DNAJB6: variants seen among roughly 807,000 people sequenced by gnomAD.
DNAJB6 encodes the protein dnaJ homolog subfamily B member 6.
Under a neutral mutation model 42.7 loss-of-function variants are expected in DNAJB6, and 16 were observed. That is an observed-to-expected ratio of 0.37 (90% CI 0.25 to 0.57). The LOEUF (loss-of-function observed/expected upper bound fraction) is 0.57. Ranked by LOEUF, DNAJB6 falls within the 20% of genes least tolerant of loss-of-function variation. The probability of loss-of-function intolerance (pLI) is 0.74; values close to 1 mark genes in which losing one functional copy is unlikely to be tolerated. For missense variants in DNAJB6, 347 were observed against 416.8 expected, an observed-to-expected ratio of 0.83 and a Z score of 1.46; for synonymous variants, 170 against 163.5, an observed-to-expected ratio of 1.04 and a Z score of -0.30.
At chr7:157,383,415 C>A (rs1282909778) in intron 6 of DNAJB6, among the ~76,000 whole-genome samples, 1 of 152,124 alleles carries the variant, frequency 6.6e-6, no homozygotes, top group Admixed American at 6.6e-5. Flanking sequence ...ATTTTATTTT[C>A]TTTGAACATT....
Position 157,409,731 on chromosome 7 carries a change from G to A in DNAJB6, c.692-64G>A. 2 of 1,459,378 alleles carry A rather than the reference G, an allele frequency of 1.4e-6. 1 individual carries two copies. Among genetic ancestry groups the A allele is most frequent in the South Asian group, 2.7e-5 (2 of 73,536 alleles). The allele number at this position is 1,459,378 out of a possible 1,614,324, so 90.4% of individuals were successfully genotyped here. On this transcript the variant is annotated intron_variant, in intron 8 of 9. Coordinates refer to ENST00000262177, the MANE Select transcript of DNAJB6 (RefSeq NM_058246.4). ...TCGTGCGGCCAGCTTCCCTCCCTCT[G>A]CTCTGGATGGGGGCCGGCCGCCGCC...
rs1283251916 is a variant in DNAJB6 at position 157,387,505 on chromosome 7, C to G, written c.691+1894C>G. Among the ~76,000 whole-genome samples the G allele has an allele frequency of 2.0e-5, 3 of 152,138 alleles. No homozygotes were observed. In the South Asian group the frequency reaches 6.2e-4, roughly 31 times the overall value. On this transcript the variant is annotated intron_variant, in intron 8 of 9. Coordinates refer to ENST00000262177, the MANE Select transcript of DNAJB6 (RefSeq NM_058246.4). ...ATTCAAGTAGATACTTGGACTAAGG[C>G]GTTTTATATTTTTCATTAGTGGGTG...
At chr7:157,383,051 C>T (rs1800867323) in intron 6 of DNAJB6, among the ~76,000 whole-genome samples, 1 of 152,036 alleles carries the variant, frequency 6.6e-6, no homozygotes, top group South Asian at 2.1e-4. Flanking sequence ...GTGAGTGCCA[C>T]TCTTAGTGTA....
At chr7:157,337,303 C>G (rs893036775) in intron 1 of DNAJB6, among the ~76,000 whole-genome samples, 159 bp downstream of exon 1, 5 of 137,956 alleles carry the variant, frequency 3.6e-5, no homozygotes, top group Non-Finnish European at 7.9e-5. Context: ...GCCGGGGTTG[C>G]GGGGCGAAGG....
chr7:157,398,708 T>TC (rs1282573634), intron 8 of DNAJB6, among the ~76,000 whole-genome samples: 1 of 152,144 alleles, frequency 6.6e-6, no homozygotes, highest in Non-Finnish European at 1.5e-5. Context: ...TATATTTAGT[T>TC]CCCCCAATAA....
chr7:157,361,815 C>T (rs918822197), intron 2 of DNAJB6, among the ~76,000 whole-genome samples: 1 of 152,218 alleles, frequency 6.6e-6, no homozygotes, highest in African/African-American at 2.4e-5. Context: ...GTCACCTAGC[C>T]TGGAGTTCAG....
chr7:157,355,960 T>C (rs1031865267), intron 1 of DNAJB6, among the ~76,000 whole-genome samples: 2 of 152,240 alleles, frequency 1.3e-5, no homozygotes, highest in African/African-American at 4.8e-5. Context: ...GCTCACTGCC[T>C]CGGGAGGTGT....
intron 6 of DNAJB6, among the ~76,000 whole-genome samples, chr7:157,383,779 C>T (rs1039428521): frequency 3.3e-5 from 5 of 152,154 alleles, no homozygotes; most frequent in African/African-American, 1.2e-4. Flanking sequence ...GGCCTGGCTA[C>T]TCCTAACGGA....
At chr7:157,382,897 C>G (rs2117079121) in intron 6 of DNAJB6, among the ~76,000 whole-genome samples, 1 of 152,272 alleles carries the variant, frequency 6.6e-6, no homozygotes, top group Non-Finnish European at 1.5e-5. Context: ...ACTGGAGTAA[C>G]ATGAATATGC....
chr7:157,378,009 ATG>A (rs1800557265), intron 5 of DNAJB6: 1 of 152,346 alleles, frequency 6.6e-6, no homozygotes, highest in East Asian at 1.9e-4. Flanking sequence ...AATAGGCAAT[ATG>A]TGTGTATTAC....
intron 8 of DNAJB6, among the ~76,000 whole-genome samples, chr7:157,386,533 G>T (rs1056318789): frequency 6.6e-6 from 1 of 152,124 alleles, no homozygotes; most frequent in African/African-American, 2.4e-5. Context: ...TACAGGAGAG[G>T]GAAGAAACCA....
chr7:157,346,061 T>C (rs143445682), intron 1 of DNAJB6, among the ~76,000 whole-genome samples: 20 of 152,096 alleles, frequency 1.3e-4, no homozygotes, highest in African/African-American at 4.6e-4. Flanking sequence ...ATCACCTGTT[T>C]TCTGTAATGT....
chr7:157,389,884 G>C (rs1801256659), intron 8 of DNAJB6, among the ~76,000 whole-genome samples: 1 of 152,150 alleles, frequency 6.6e-6, no homozygotes, highest in African/African-American at 2.4e-5. Flanking sequence ...TTACCTAACT[G>C]TTCACTAAGG....
intron 8 of DNAJB6, among the ~76,000 whole-genome samples, chr7:157,394,987 A>T (rs1028463823): frequency 1.3e-4 from 20 of 152,044 alleles, no homozygotes; most frequent in African/African-American, 2.4e-5. Flanking sequence ...GCTACTCAGG[A>T]GGCTAAGGTG....
intron 8 of DNAJB6, among the ~76,000 whole-genome samples, chr7:157,408,041 C>A (rs1363134684): frequency 6.6e-6 from 1 of 152,148 alleles, no homozygotes; most frequent in East Asian, 1.9e-4. Flanking sequence ...GACAGCAGCC[C>A]TGCCACCTGT....
chr7:157,386,176 A>C, intron 8 of DNAJB6: 1 of 970,782 alleles, frequency 1.0e-6, no homozygotes, highest in African/African-American at 1.8e-5. Context: ...CAACTTAGTA[A>C]GTTTTGACAA....
At chr7:157,390,656 G>A (rs117326558) in intron 8 of DNAJB6, among the ~76,000 whole-genome samples, 3,221 of 152,234 alleles carry the variant, frequency 0.021, 41 homozygotes, top group East Asian at 0.054. Context: ...TTTGCTTCCC[G>A]TGTGGTCAGC....
Position 157,367,609 on chromosome 7 carries a change from C to T in DNAJB6, c.346+126C>T, listed in dbSNP as rs139317869. On this transcript the variant is annotated intron_variant, in intron 5 of 9. Coordinates refer to ENST00000262177, the MANE Select transcript of DNAJB6 (RefSeq NM_058246.4). ...GGCGCGGTGGCTCATGCCTGTAATC[C>T]CAGCACTTTGGGAGCCTGAGGCGGG... 245 of 656,896 alleles carry T rather than the reference C, an allele frequency of 3.7e-4. 2 individuals carry two copies. The African/African-American group carries it at 4.2e-3, about 11-fold the overall frequency. The allele number at this position is 656,896 out of a possible 1,614,324, so 40.7% of individuals were successfully genotyped here.
chr7:157,404,707 T>C (rs897607943), intron 8 of DNAJB6, among the ~76,000 whole-genome samples: 1 of 152,026 alleles, frequency 6.6e-6, no homozygotes, highest in Non-Finnish European at 1.5e-5. Flanking sequence ...GACGGGGTCA[T>C]GTTGCCCAGG....
Sources: gnomAD v4.1 joint callset for allele counts (sites outside exome capture counted in the v4.1 genomes callset) on GRCh38, gnomAD v4.1.1 for gene constraint, MANE v1.5 for transcripts, NCBI Gene and HGNC (gene_info 2026-07-23, HGNC 2026-07-21) for gene names.